PRICKLE2: variants seen among roughly 807,000 people sequenced by gnomAD.
The protein encoded by PRICKLE2 is prickle planar cell polarity protein 2, also known as prickle-like protein 2.
In PRICKLE2, 21 loss-of-function variants were observed where a neutral mutation model predicts 81.4. The ratio of observed to expected loss-of-function variants is 0.26; its 90% confidence interval spans 0.18 to 0.37. The LOEUF (loss-of-function observed/expected upper bound fraction) is 0.37. Ranked by LOEUF, PRICKLE2 falls within the 10% of genes least tolerant of loss-of-function variation. The pLI, the probability that PRICKLE2 is intolerant of heterozygous loss-of-function variation, is 1.00. For missense variants in PRICKLE2, 940 were observed against 1,109.0 expected (o/e 0.85, Z 2.16); for synonymous variants, 456 against 421.5 (o/e 1.08, Z -1.00).
At chr3:64,172,199 T>C (rs1380179390) in intron 2 of PRICKLE2, among the ~76,000 whole-genome samples, 1 of 152,260 alleles carries the variant, frequency 6.6e-6, no homozygotes, top group Non-Finnish European at 1.5e-5. Flanking sequence ...AACTTGGGGT[T>C]TGAACATTTT....
chr3:64,225,991 A>G (rs575196380), upstream of PRICKLE2, among the ~76,000 whole-genome samples: 21 of 152,122 alleles, frequency 1.4e-4, no homozygotes, highest in African/African-American at 4.6e-4. Context: ...CTCGAAATAA[A>G]GCACAAGTGA....
intron 2 of PRICKLE2, among the ~76,000 whole-genome samples, chr3:64,257,105 C>CAAA (rs2079537470): frequency 6.6e-6 from 1 of 152,174 alleles, no homozygotes; most frequent in African/African-American, 2.4e-5. Context: ...TTCACCCATT[C>CAAA]ATTTGGGATC....
chr3:64,147,316 G>T lies in PRICKLE2; in HGVS notation c.1174C>A (p.Pro392Thr). 1.2e-6 allele frequency: 2 copies of T among 1,614,002 alleles called. No homozygotes were observed. Among genetic ancestry groups the T allele is most frequent in the Non-Finnish European group, 1.7e-6 (2 of 1,179,932 alleles). The change falls in exon 7 of 8, where the codon CCC becomes ACC. Residue 392 changes from proline to threonine, a missense_variant. Pro to Thr is a conservative substitution (Grantham distance 38). Coordinates refer to ENST00000638394, the MANE Select transcript of PRICKLE2 (RefSeq NM_198859.4). The surrounding 1 kb of genome is among the most constrained non-coding windows in gnomAD (Gnocchi z 5.0). ...GGCTCTTCCCGGCTCCTCCAGATGGGGTCCCGGTTGAGGCTGGGTGTCTGG... is the reference window on the plus strand; with the variant it reads ...GGCTCTTCCCGGCTCCTCCAGATGGTGTCCCGGTTGAGGCTGGGTGTCTGG... Reference protein sequence around the residue: ...SSQTPSLNRDPIWRSREEPYH... With the variant: ...SSQTPSLNRDTIWRSREEPYH...
intron 2 of PRICKLE2, among the ~76,000 whole-genome samples, chr3:64,188,027 G>T (rs1209803132): frequency 6.6e-6 from 1 of 152,308 alleles, no homozygotes; most frequent in East Asian, 1.9e-4. Flanking sequence ...GATATCCAGG[G>T]CATGCCAGTC....
At chr3:64,212,000 C>T (rs932080808) in intron 1 of PRICKLE2, among the ~76,000 whole-genome samples, 6 of 152,228 alleles carry the variant, frequency 3.9e-5, no homozygotes, top group South Asian at 4.1e-4. Flanking sequence ...ATTTTAAAAG[C>T]GTTCACAAGC....
intron 2 of PRICKLE2, among the ~76,000 whole-genome samples, chr3:64,182,237 C>T (rs940662916): frequency 1.2e-4 from 18 of 152,152 alleles, no homozygotes; most frequent in Middle Eastern, 3.2e-3. Context: ...CCTGTAATCT[C>T]AGCACTCTGG....
At chr3:64,234,901 G>A (rs1288143353) in intron 2 of PRICKLE2, among the ~76,000 whole-genome samples, 1 of 152,162 alleles carries the variant, frequency 6.6e-6, no homozygotes, top group Non-Finnish European at 1.5e-5. Context: ...TCCTGGATGT[G>A]TAGACTAATA....
At chr3:64,158,762 A>T (rs953211786) in intron 4 of PRICKLE2, among the ~76,000 whole-genome samples, 2 of 152,152 alleles carry the variant, frequency 1.3e-5, no homozygotes, top group Non-Finnish European at 2.9e-5. Flanking sequence ...GATATACTTC[A>T]TAAGAATAAA....
chr3:64,138,803 G>A (rs756900669), intron 7 of PRICKLE2, among the ~76,000 whole-genome samples: 8 of 152,118 alleles, frequency 5.3e-5, no homozygotes, highest in African/African-American at 1.4e-4. Context: ...CCCCAGTGAC[G>A]GGAATGAACA....
intron 1 of PRICKLE2, among the ~76,000 whole-genome samples, chr3:64,218,997 C>T (rs2078911912): frequency 6.6e-6 from 1 of 152,124 alleles, no homozygotes; most frequent in Non-Finnish European, 1.5e-5. Context: ...CAACACACTG[C>T]CCACTGACAC....
At chr3:64,239,022 C>A (rs1188895194) in intron 2 of PRICKLE2, among the ~76,000 whole-genome samples, 1 of 152,154 alleles carries the variant, frequency 6.6e-6, no homozygotes, top group Non-Finnish European at 1.5e-5. Flanking sequence ...CCACAGCAAG[C>A]AGGAGCCCTG....
chr3:64,221,069 C>G (rs888014432), intron 1 of PRICKLE2, among the ~76,000 whole-genome samples: 1 of 151,410 alleles, frequency 6.6e-6, no homozygotes, highest in Admixed American at 6.6e-5. Flanking sequence ...TAAAGGAGAA[C>G]AGAGTTGCCT....
At chr3:64,216,429 G>A (rs144126997) in intron 1 of PRICKLE2, among the ~76,000 whole-genome samples, 1,670 of 152,268 alleles carry the variant, frequency 0.011, 24 homozygotes, top group Non-Finnish European at 0.014. Context: ...GCAAAAGACC[G>A]GCTGTGATAT....
intron 2 of PRICKLE2, among the ~76,000 whole-genome samples, chr3:64,254,589 C>G (rs2079497760): frequency 6.6e-6 from 1 of 152,116 alleles, no homozygotes; most frequent in Non-Finnish European, 1.5e-5. Flanking sequence ...TACATTTGAC[C>G]AACAATAATT....
chr3:64,110,766 AAGG>A (rs2076831650), intron 7 of PRICKLE2, among the ~76,000 whole-genome samples: 1 of 152,032 alleles, frequency 6.6e-6, no homozygotes, highest in Admixed American at 6.6e-5. Flanking sequence ...CATTGTGAGC[AAGG>A]AGGACAGCAG....
At position 64,099,968 on chromosome 3, in the gene PRICKLE2, G is replaced by T. The variant is rs762326686; in HGVS notation, c.1661-43C>A. ...GGACCACAGAGATTAATACAGATGTGCAGCAATGGGTATCACTGTCACTGC... is the reference window on the plus strand; with the variant it reads ...GGACCACAGAGATTAATACAGATGTTCAGCAATGGGTATCACTGTCACTGC... On this transcript the variant is annotated intron_variant, in intron 7 of 7. Coordinates refer to ENST00000638394, the MANE Select transcript of PRICKLE2 (RefSeq NM_198859.4). The surrounding 1 kb of genome is among the most constrained non-coding windows in gnomAD (Gnocchi z 4.3). 6.3e-7 allele frequency: 1 copy of T among 1,593,496 alleles called. No homozygotes were observed. Among genetic ancestry groups the T allele is most frequent in the Non-Finnish European group, 8.6e-7 (1 of 1,162,686 alleles).
At chr3:64,192,824 G>A (rs2107103269) in intron 2 of PRICKLE2, among the ~76,000 whole-genome samples, 1 of 152,268 alleles carries the variant, frequency 6.6e-6, no homozygotes, top group South Asian at 2.1e-4. Flanking sequence ...TATGGTCAAG[G>A]TAAAATTACT....
rs138917916 is a variant in PRICKLE2 at position 64,124,025 on chromosome 3, C to T, written c.1660+22805G>A. Among the ~76,000 whole-genome samples, 10 of 152,284 alleles carry T rather than the reference C, an allele frequency of 6.6e-5. No individual in the cohort carries two copies. In the East Asian group the frequency reaches 1.7e-3, roughly 26 times the overall value. On this transcript the variant is annotated intron_variant, in intron 7 of 7. Coordinates refer to ENST00000638394, the MANE Select transcript of PRICKLE2 (RefSeq NM_198859.4). ...GACAGGCCAAAAGCTAGGCCTCTTGCACCAGTTAGCCAAATTGTGAATGCA... is the reference window on the plus strand; with the variant it reads ...GACAGGCCAAAAGCTAGGCCTCTTGTACCAGTTAGCCAAATTGTGAATGCA...
intron 7 of PRICKLE2, among the ~76,000 whole-genome samples, chr3:64,109,197 G>A (rs1227510129): frequency 2.0e-5 from 3 of 152,078 alleles, no homozygotes; most frequent in Non-Finnish European, 4.4e-5. Flanking sequence ...GATTATCAGG[G>A]CTCTGCCTGG....
Sources: gnomAD v4.1 joint callset for allele counts (sites outside exome capture counted in the v4.1 genomes callset) on GRCh38, gnomAD v4.1.1 for gene constraint, Gnocchi (gnomAD v3.1) non-coding constraint, MANE v1.5 for transcripts, NCBI Gene and HGNC (gene_info 2026-07-23, HGNC 2026-07-21) for gene names.